Variants in ANKRD66 observed in about 807,000 individuals in gnomAD.
The protein encoded by ANKRD66 is ankyrin repeat domain-containing protein 66.
A neutral mutation model predicts 10.9 loss-of-function variants in ANKRD66; 10 were observed. The observed-to-expected ratio is 0.91, with a 90% CI of 0.56 to 1.55. The LOEUF (loss-of-function observed/expected upper bound fraction) is 1.55. Among genes scored for constraint, ANKRD66 ranks in the 40% most tolerant of loss-of-function variants. The pLI, the probability that ANKRD66 is intolerant of heterozygous loss-of-function variation, is 0.00. For synonymous variants in ANKRD66, 85 were observed against 88.4 expected (o/e 0.96, Z 0.22); for missense variants, 252 against 242.9 (o/e 1.04, Z -0.25).
chr6:46,752,947 C>T (rs1448386250), intron 3 of ANKRD66, among the ~76,000 whole-genome samples: 1 of 152,192 alleles, frequency 6.6e-6, no homozygotes, highest in Non-Finnish European at 1.5e-5. Flanking sequence ...GTCAACTTTG[C>T]TTTTTACACA....
chr6:46,753,690 A>G, intron 3 of ANKRD66, 32 bp from the exon 4 acceptor site: 2 of 1,516,494 alleles, frequency 1.3e-6, no homozygotes, highest in Admixed American at 2.1e-5. Flanking sequence ...CTTTATCCTA[A>G]CCTCATCCTG....
Position 46,752,119 on chromosome 6 carries a change from G to C in ANKRD66, c.163+8G>C. On this transcript the variant is annotated splice_region_variant and intron_variant, in intron 3 of 4. Transcript: ENST00000565422. ...ACTGGGCTGCAATCAAAGGTGAGTG[G>C]GCAATGCTTAGGTAGATCTGCCCTT... 6.8e-7 allele frequency: 1 copy of C among 1,468,730 alleles called. No homozygotes were observed. Among genetic ancestry groups the C allele is most frequent in the East Asian group, 2.8e-5 (1 of 36,026 alleles). 91.0% of individuals were successfully genotyped at this position (1,468,730 alleles called of 1,614,324 possible). A position where few individuals can be genotyped will look rare whatever the true frequency, so the allele number is the denominator to read the frequency against.
Position 46,752,052 on chromosome 6 carries a change from CAAA to C in ANKRD66, c.105_107del (p.Asn36del). 6.5e-7 allele frequency: 1 copy of C among 1,537,774 alleles called. No individual in the cohort carries two copies. Among genetic ancestry groups the C allele is most frequent in the Non-Finnish European group, 8.8e-7 (1 of 1,141,132 alleles). On this transcript the variant is annotated inframe_deletion, in exon 3 of 5. Transcript: ENST00000565422. ...ATTTTGAAGAAAGGTCTCTGTGACCCAAACTACAAAGATGTAGACTGGAATGAC... is the reference window on the plus strand; with the variant it reads ...ATTTTGAAGAAAGGTCTCTGTGACCCCTACAAAGATGTAGACTGGAATGAC...
chr6:46,749,779 A>G, intron 1 of ANKRD66, 117 bp from the exon 2 acceptor site: 4 of 1,300,434 alleles, frequency 3.1e-6, no homozygotes, highest in South Asian at 1.6e-5. Flanking sequence ...AGCTTAGGCC[A>G]CTTTTAGAGA....
intron 1 of ANKRD66, among the ~76,000 whole-genome samples, chr6:46,748,066 T>C (rs1245061658): frequency 6.6e-6 from 1 of 152,180 alleles, no homozygotes; most frequent in Non-Finnish European, 1.5e-5. Context: ...CAGGAATACA[T>C]CTTTGTGAGG....
At chr6:46,751,325 G>A (rs779167621) in intron 2 of ANKRD66, among the ~76,000 whole-genome samples, 3 of 152,170 alleles carry the variant, frequency 2.0e-5, no homozygotes, top group Admixed American at 6.5e-5. Context: ...GTGCTCCAGG[G>A]ATTTCTGAAG....
intron 1 of ANKRD66, 151 bp from the exon 2 acceptor site, chr6:46,749,745 C>A: frequency 2.5e-6 from 2 of 803,126 alleles, no homozygotes; most frequent in Non-Finnish European, 1.8e-6. Flanking sequence ...GCCAATATGT[C>A]TCTGACCCAT....
At chr6:46,752,323 C>T (rs941078828) in intron 3 of ANKRD66, among the ~76,000 whole-genome samples, 9 of 152,188 alleles carry the variant, frequency 5.9e-5, no homozygotes, top group Non-Finnish European at 1.0e-4. Flanking sequence ...TAACCTCCAC[C>T]TCCTGGGTTC....
At chr6:46,756,924 G>A (rs887555315) in intron 4 of ANKRD66, 1 of 151,964 alleles carries the variant, frequency 6.6e-6, no homozygotes, top group Non-Finnish European at 1.5e-5. Flanking sequence ...CATTCCTTAG[G>A]GTCCTGCCCT....
At chr6:46,751,237 A>G (rs1173915122) in intron 2 of ANKRD66, among the ~76,000 whole-genome samples, 1 of 152,216 alleles carries the variant, frequency 6.6e-6, no homozygotes. Flanking sequence ...CCATCAGAAC[A>G]ATTGTCAACA....
At chr6:46,748,241 C>T (rs757165216) in intron 1 of ANKRD66, among the ~76,000 whole-genome samples, 1 of 152,136 alleles carries the variant, frequency 6.6e-6, no homozygotes, top group Non-Finnish European at 1.5e-5. Context: ...TCTTCTGGGT[C>T]CCTTGCATTT....
At chr6:46,750,113 C>T (rs1766235822) in intron 2 of ANKRD66, 134 bp downstream of exon 2, 1 of 559,688 alleles carries the variant, frequency 1.8e-6, no homozygotes, top group Non-Finnish European at 3.2e-6. Flanking sequence ...AGATCAGAGA[C>T]ATTCCCAATG....
intron 1 of ANKRD66, among the ~76,000 whole-genome samples, chr6:46,748,894 T>C (rs1430976517): frequency 6.6e-6 from 1 of 152,182 alleles, no homozygotes; most frequent in African/African-American, 2.4e-5. Context: ...TGAGAACTTG[T>C]TACAATGCAG....
intron 1 of ANKRD66, among the ~76,000 whole-genome samples, chr6:46,748,782 C>G (rs1766198436): frequency 6.6e-6 from 1 of 152,208 alleles, no homozygotes; most frequent in Non-Finnish European, 1.5e-5. Context: ...CATCCTTACT[C>G]CCTCCTCAGC....
chr6:46,752,111 G>A lies in ANKRD66; in HGVS notation c.163G>A (p.Gly55Arg). ...RTPLHWAAIK[G>R]QMEVIRLLIE... ...CCCACTTCACTGGGCTGCAATCAAAGGTGAGTGGGCAATGCTTAGGTAGAT... is the reference window on the plus strand; with the variant it reads ...CCCACTTCACTGGGCTGCAATCAAAAGTGAGTGGGCAATGCTTAGGTAGAT... The change falls in exon 3 of 5, where the codon GGG becomes AGG. Residue 55 changes from glycine (G) to arginine (R), a missense_variant and splice_region_variant. Physicochemically the swap from Gly to Arg is moderately radical, Grantham distance 125. Transcript: ENST00000565422. 1 of 1,475,162 alleles carries A rather than the reference G, an allele frequency of 6.8e-7. No individual in the cohort carries two copies. Among genetic ancestry groups the A allele is most frequent in the Non-Finnish European group, 9.0e-7 (1 of 1,115,028 alleles). The allele number at this position is 1,475,162 out of a possible 1,614,324, so 91.4% of individuals were successfully genotyped here.
At chr6:46,750,018 C>A in intron 2 of ANKRD66, 39 bp downstream of exon 2, 1 of 1,137,818 alleles carries the variant, frequency 8.8e-7, no homozygotes, top group Non-Finnish European at 1.3e-6. Flanking sequence ...GCATTTCTAA[C>A]AAGTTCCCAG....
At chr6:46,753,664 A>G in intron 3 of ANKRD66, 58 bp from the exon 4 acceptor site, 1 of 1,467,410 alleles carries the variant, frequency 6.8e-7, no homozygotes, top group Non-Finnish European at 9.1e-7. Context: ...CCCTGGCCTC[A>G]AGCCACTTGG....
intron 4 of ANKRD66, among the ~76,000 whole-genome samples, chr6:46,755,551 C>T (rs1562091692): frequency 6.6e-6 from 1 of 152,136 alleles, no homozygotes; most frequent in Non-Finnish European, 1.5e-5. Flanking sequence ...AAGTGTTATC[C>T]CTCCATATAG....
Position 46,759,043 on chromosome 6 carries a change from G to C in ANKRD66, c.*122G>C. The C allele has an allele frequency of 1.0e-6, 1 of 953,888 alleles. No homozygotes were observed. Among genetic ancestry groups the C allele is most frequent in the Non-Finnish European group, 1.5e-6 (1 of 657,012 alleles). The allele number at this position is 953,888 out of a possible 1,614,324, so 59.1% of individuals were successfully genotyped here. ...CTTACCCACCTGGCTTCTGCCCATG[G>C]ACCTGTCATTAGGTGCTGTCCACAT... On this transcript the variant is annotated 3_prime_UTR_variant, in exon 5 of 5. Transcript: ENST00000565422.
Sources: allele counts gnomAD v4.1 joint callset (sites outside exome capture counted in the v4.1 genomes callset), GRCh38; gene constraint gnomAD v4.1.1; transcripts MANE v1.5; gene names NCBI Gene and HGNC (gene_info 2026-07-23, HGNC 2026-07-21).